Variants in ADAMTSL3 observed in about 807,000 individuals in gnomAD.
ADAMTSL3 encodes the protein ADAMTS like 3, also known as ADAMTS-like protein 3.
A neutral mutation model predicts 201.7 loss-of-function variants in ADAMTSL3; 128 were observed. That is an observed-to-expected ratio of 0.63 (90% CI 0.55 to 0.73). ADAMTSL3 has a LOEUF of 0.73. Among genes scored for constraint, ADAMTSL3 ranks in the 30% least tolerant of loss-of-function variants. The probability of loss-of-function intolerance (pLI) is 0.00; values close to 1 mark genes in which losing one functional copy is unlikely to be tolerated. For synonymous variants in ADAMTSL3, 738 were observed against 748.4 expected (o/e 0.99, Z 0.23); for missense variants, 1,990 against 2,119.6 (o/e 0.94, Z 1.20).
intron 15 of ADAMTSL3, 32 bp downstream of exon 15, chr15:83,899,763 G>A: frequency 6.3e-7 from 1 of 1,596,000 alleles, no homozygotes; most frequent in East Asian, 2.3e-5. Flanking sequence ...GGAATAATCA[G>A]GGCATAGCCA....
chr15:84,017,178 C>T lies in ADAMTSL3; in HGVS notation c.4273+679C>T, dbSNP rs555899323. 3.4e-4 allele frequency among the ~76,000 whole-genome samples: 52 copies of T among 152,230 alleles called. No homozygotes were observed. The South Asian group carries it at 8.7e-3, about 26-fold the overall frequency. ...TGCCTCCCAGGCTGGAGTGCAGTGG[C>T]GTGATCTCAGCTCACTGCAAGCTCC... On this transcript the variant is annotated intron_variant, in intron 25 of 29. Transcript: ENST00000286744.
rs2142037729 is a variant in ADAMTSL3, at chr15:83,943,099, A to C, written c.2490+17A>C. On this transcript the variant is annotated intron_variant, in intron 19 of 29. Transcript: ENST00000286744. ...TGGTCGAAGGTAAGGGCCAGGCTCA[A>C]CTTTATAGTCCCTTCTTTTCTGCCC... The C allele has an allele frequency of 6.3e-7, 1 of 1,589,710 alleles. No homozygotes were observed. Among genetic ancestry groups the C allele is most frequent in the South Asian group, 1.2e-5 (1 of 86,790 alleles).
intron 4 of ADAMTSL3, among the ~76,000 whole-genome samples, chr15:83,791,325 C>T (rs1191822688): frequency 6.6e-6 from 1 of 152,138 alleles, no homozygotes; most frequent in Non-Finnish European, 1.5e-5. Flanking sequence ...TACTACCTGA[C>T]TTCAAAATGT....
chr15:83,958,021 A>T (rs1315728096), intron 19 of ADAMTSL3, among the ~76,000 whole-genome samples: 1 of 152,236 alleles, frequency 6.6e-6, no homozygotes, highest in Non-Finnish European at 1.5e-5. Flanking sequence ...GAAAGGAAAA[A>T]CAACAGAGGT....
chr15:83,942,553 T>A, intron 17 of ADAMTSL3, 43 bp from the exon 18 acceptor site: 1 of 1,576,148 alleles, frequency 6.3e-7, no homozygotes, highest in Non-Finnish European at 8.6e-7. Flanking sequence ...TGCACGTTGG[T>A]TTATTGGACT....
intron 6 of ADAMTSL3, among the ~76,000 whole-genome samples, chr15:83,835,061 T>C (rs547209162): frequency 6.8e-4 from 103 of 152,002 alleles, no homozygotes; most frequent in African/African-American, 2.3e-3. Context: ...AGTGAAACCC[T>C]GTCTCTACTG....
intron 2 of ADAMTSL3, among the ~76,000 whole-genome samples, chr15:83,677,675 A>T (rs1774259750): frequency 6.6e-6 from 1 of 152,070 alleles, no homozygotes; most frequent in African/African-American, 2.4e-5. Flanking sequence ...TGAGTTTCTT[A>T]TAGAGAGCAT....
Position 83,830,363 on chromosome 15 carries a change from C to G in ADAMTSL3, c.601-7726C>G, listed in dbSNP as rs756294936. Among the ~76,000 whole-genome samples the G allele has an allele frequency of 5.9e-5, 9 of 152,160 alleles. 1 individual carries two copies. Among genetic ancestry groups the G allele is most frequent in the Admixed American group, 3.3e-4 (5 of 15,272 alleles). ...GTCCTGGTGCCCATAATTGAAGGAA[C>G]TAGCACAGGGAGAGGTGCCCCTGAT... On this transcript the variant is annotated intron_variant, in intron 6 of 29. Coordinates refer to ENST00000286744, the MANE Select transcript of ADAMTSL3 (RefSeq NM_207517.3).
intron 2 of ADAMTSL3, among the ~76,000 whole-genome samples, chr15:83,673,664 C>T (rs1213354629): frequency 6.6e-6 from 1 of 152,198 alleles, no homozygotes; most frequent in Non-Finnish European, 1.5e-5. Flanking sequence ...AGACACATGG[C>T]ACGCAGGACA....
intron 5 of ADAMTSL3, among the ~76,000 whole-genome samples, chr15:83,818,725 C>G (rs1195742430): frequency 6.6e-6 from 1 of 152,160 alleles, no homozygotes; most frequent in Non-Finnish European, 1.5e-5. Flanking sequence ...CAACTAGTAT[C>G]TTGCTTTGGA....
At chr15:83,750,562 C>CT (rs35930485) in intron 3 of ADAMTSL3, among the ~76,000 whole-genome samples, 67,440 of 151,484 alleles carry the variant, frequency 0.45, 15,365 homozygotes, top group Admixed American at 0.61. Flanking sequence ...ATGGGGGAGA[C>CT]TTTTTTTTGA....
intron 19 of ADAMTSL3, among the ~76,000 whole-genome samples, chr15:83,948,762 G>T (rs939667872): frequency 2.0e-5 from 3 of 148,874 alleles, no homozygotes; most frequent in Non-Finnish European, 4.5e-5. Flanking sequence ...AGCTCTTAAG[G>T]TTTATTATAA....
intron 19 of ADAMTSL3, among the ~76,000 whole-genome samples, chr15:83,950,168 G>T (rs1224903939): frequency 6.6e-6 from 1 of 152,024 alleles, no homozygotes; most frequent in Non-Finnish European, 1.5e-5. Flanking sequence ...AATCCATTTT[G>T]ATTTGATTTT....
intron 7 of ADAMTSL3, among the ~76,000 whole-genome samples, chr15:83,840,871 G>A (rs2064359341): frequency 6.6e-6 from 1 of 152,192 alleles, no homozygotes; most frequent in African/African-American, 2.4e-5. Flanking sequence ...TAAGGCTGGG[G>A]ATGCTGTTTT....
chr15:83,997,588 T>C (rs1007558818), intron 23 of ADAMTSL3, among the ~76,000 whole-genome samples: 1 of 151,904 alleles, frequency 6.6e-6, no homozygotes, highest in African/African-American at 2.4e-5. Context: ...AGACTCCGTC[T>C]CAAAAAACAA....
chr15:83,655,916 C>A, intron 2 of ADAMTSL3, 86 bp downstream of exon 2: 1 of 1,343,576 alleles, frequency 7.4e-7, no homozygotes, highest in Non-Finnish European at 1.0e-6. Flanking sequence ...TAAGATGTGG[C>A]ATGATTAGTG....
chr15:83,750,285 T>G (rs530793508), intron 3 of ADAMTSL3, among the ~76,000 whole-genome samples: 34 of 152,348 alleles, frequency 2.2e-4, no homozygotes, highest in Admixed American at 1.8e-3. Flanking sequence ...ATGGATTGTC[T>G]TCACCTAAGT....
At chr15:83,853,349 TA>T (rs2064659883) in intron 7 of ADAMTSL3, among the ~76,000 whole-genome samples, 1 of 152,226 alleles carries the variant, frequency 6.6e-6, no homozygotes, top group Non-Finnish European at 1.5e-5. Context: ...TTACCTTGGC[TA>T]ATCTTTTAAA....
chr15:83,744,506 G>A (rs1214355598), intron 3 of ADAMTSL3, among the ~76,000 whole-genome samples: 1 of 152,104 alleles, frequency 6.6e-6, no homozygotes. Flanking sequence ...ATATATTCAT[G>A]ATGTACAACA....
Sources: gnomAD v4.1 joint callset for allele counts (sites outside exome capture counted in the v4.1 genomes callset) on GRCh38, gnomAD v4.1.1 for gene constraint, MANE v1.5 for transcripts, NCBI Gene and HGNC (gene_info 2026-07-23, HGNC 2026-07-21) for gene names.